The following MTHFD1 variants were observed in gnomAD, a reference collection of about 807,000 sequenced individuals.
MTHFD1 encodes methylenetetrahydrofolate dehydrogenase, cyclohydrolase and formyltetrahydrofolate synthetase 1.
In MTHFD1, 44 loss-of-function variants were observed where a neutral mutation model predicts 110.3. The observed-to-expected ratio is 0.40, with a 90% CI of 0.31 to 0.51. The LOEUF (loss-of-function observed/expected upper bound fraction) is 0.51, where lower values mean the gene tolerates loss of function less well. Among genes scored for constraint, MTHFD1 ranks in the 20% least tolerant of loss-of-function variants. The probability of loss-of-function intolerance (pLI) is 0.60; values close to 1 mark genes in which losing one functional copy is unlikely to be tolerated. For missense variants in MTHFD1, 909 were observed against 1,173.1 expected (o/e 0.77, Z 3.29); for synonymous variants, 402 against 428.8 (o/e 0.94, Z 0.77).
intron 6 of MTHFD1, among the ~76,000 whole-genome samples, chr14:64,416,207 T>C (rs975392552): frequency 1.3e-5 from 2 of 152,106 alleles, no homozygotes; most frequent in African/African-American, 4.8e-5. Flanking sequence ...ATCACCTGAC[T>C]GCACTCCAGC....
intron 24 of MTHFD1, among the ~76,000 whole-genome samples, chr14:64,451,479 T>C (rs1179699668): frequency 6.6e-6 from 1 of 152,238 alleles, no homozygotes; most frequent in Non-Finnish European, 1.5e-5. Flanking sequence ...ACATTGACAT[T>C]CTCCTGTTGA....
intron 2 of MTHFD1, among the ~76,000 whole-genome samples, chr14:64,405,061 G>C (rs2077926475): frequency 6.6e-6 from 1 of 152,114 alleles, no homozygotes; most frequent in Non-Finnish European, 1.5e-5. Flanking sequence ...AGCACAGAAG[G>C]CCTGTCACTC....
intron 4 of MTHFD1, among the ~76,000 whole-genome samples, chr14:64,413,190 A>G (rs1208536385): frequency 6.6e-6 from 1 of 151,794 alleles, no homozygotes; most frequent in Non-Finnish European, 1.5e-5. Flanking sequence ...TGTCTCTACT[A>G]AAAAATACAA....
intron 1 of MTHFD1, among the ~76,000 whole-genome samples, chr14:64,397,440 G>A (rs1015787709): frequency 2.1e-4 from 32 of 151,568 alleles, no homozygotes; most frequent in African/African-American, 7.5e-4. Flanking sequence ...CTACAGGCGC[G>A]TGCCACCACG....
intron 23 of MTHFD1, among the ~76,000 whole-genome samples, chr14:64,448,904 A>G (rs897439528): frequency 1.3e-5 from 2 of 151,140 alleles, no homozygotes; most frequent in African/African-American, 4.9e-5. Flanking sequence ...GGTTCATGCC[A>G]TTCTCCTGCC....
At chr14:64,428,004 T>A (rs73277977) in intron 12 of MTHFD1, among the ~76,000 whole-genome samples, 9,245 of 152,110 alleles carry the variant, frequency 0.061, 496 homozygotes, top group African/African-American at 0.15. Context: ...CTGTATTAAG[T>A]ACCAGAGTGA....
chr14:64,427,580 A>G (rs2078127620), intron 12 of MTHFD1, 107 bp downstream of exon 12: 2 of 1,109,782 alleles, frequency 1.8e-6, no homozygotes, highest in Admixed American at 1.7e-5. Flanking sequence ...ACTCATTTCA[A>G]CACCAGGAAT....
chr14:64,450,222 G>A (rs531247925), intron 24 of MTHFD1, among the ~76,000 whole-genome samples: 2 of 152,360 alleles, frequency 1.3e-5, no homozygotes, highest in East Asian at 3.9e-4. Context: ...TGGCAGAAGA[G>A]AAGGTTACAT....
At chr14:64,452,734 G>A (rs186134493) in intron 24 of MTHFD1, among the ~76,000 whole-genome samples, 1 of 152,304 alleles carries the variant, frequency 6.6e-6, no homozygotes, top group Admixed American at 6.5e-5. Context: ...ATTGTGTTAA[G>A]GGTGGCATCT....
At chr14:64,427,198 G>A in intron 11 of MTHFD1, 139 bp from the exon 12 acceptor site, 1 of 952,338 alleles carries the variant, frequency 1.1e-6, no homozygotes. Flanking sequence ...TGGGACTACA[G>A]GCATACACTG....
At position 64,415,220 on chromosome 14, in the gene MTHFD1, G is replaced by C. The variant is rs187762715; in HGVS notation, c.241-138G>C. Reference sequence around the variant, plus strand: ...AAGTACAGGTGCTCTCAGGATTCAAGGGGAAGGTACATTCTGAAAGGACTA... The same window carrying C: ...AAGTACAGGTGCTCTCAGGATTCAACGGGAAGGTACATTCTGAAAGGACTA... On this transcript the variant is annotated intron_variant, in intron 4 of 27. Coordinates refer to ENST00000652337, the MANE Select transcript of MTHFD1 (RefSeq NM_005956.4). The C allele has an allele frequency of 1.1e-5, 8 of 715,888 alleles. No homozygotes were observed. In the African/African-American group the frequency reaches 1.4e-4, roughly 13 times the overall value. The allele number at this position is 715,888 out of a possible 1,614,324, so 44.3% of individuals were successfully genotyped here.
intron 26 of MTHFD1, 77 bp from the exon 27 acceptor site, chr14:64,458,137 C>T (rs1596573493): frequency 8.7e-7 from 1 of 1,153,976 alleles, no homozygotes; most frequent in East Asian, 2.3e-5. Context: ...GTGATCCTCT[C>T]CACCTCAGCC....
intron 8 of MTHFD1, among the ~76,000 whole-genome samples, chr14:64,421,690 C>A (rs867965844): frequency 6.2e-4 from 93 of 151,122 alleles, no homozygotes; most frequent in African/African-American, 2.2e-3. Flanking sequence ...GTGGCGCGAT[C>A]TCGGCTCACT....
intron 26 of MTHFD1, 163 bp downstream of exon 26, chr14:64,455,038 G>T: frequency 1.4e-6 from 1 of 726,196 alleles, no homozygotes; most frequent in East Asian, 2.6e-5. Context: ...TATAAAGCAG[G>T]AGCTATATAG....
chr14:64,389,414 C>T (rs964184881), intron 1 of MTHFD1, among the ~76,000 whole-genome samples: 1 of 152,090 alleles, frequency 6.6e-6, no homozygotes, highest in Non-Finnish European at 1.5e-5. Context: ...ACAAAGTCAT[C>T]GGTGGTGAAA....
chr14:64,421,552 C>T (rs758546634), intron 8 of MTHFD1, among the ~76,000 whole-genome samples: 14 of 152,222 alleles, frequency 9.2e-5, no homozygotes, highest in Middle Eastern at 3.2e-3. Context: ...AAATTGCTCT[C>T]CTACAACTCC....
At chr14:64,407,532 C>T (rs969433112) in intron 2 of MTHFD1, among the ~76,000 whole-genome samples, 1 of 136,706 alleles carries the variant, frequency 7.3e-6, no homozygotes, top group Non-Finnish European at 1.5e-5. Flanking sequence ...TCATTAGTAT[C>T]TCTCACTCTC....
At chr14:64,433,500 C>T (rs1028624651) in intron 15 of MTHFD1, among the ~76,000 whole-genome samples, 8 of 152,086 alleles carry the variant, frequency 5.3e-5, no homozygotes, top group African/African-American at 1.9e-4. Context: ...TTACTACAGC[C>T]TCAACCTCCA....
intron 2 of MTHFD1, among the ~76,000 whole-genome samples, chr14:64,404,504 T>C (rs1409964423): frequency 6.6e-6 from 1 of 152,228 alleles, no homozygotes; most frequent in Admixed American, 6.5e-5. Flanking sequence ...GACAAATGTA[T>C]GAAGGAATGT....
Sources: allele counts gnomAD v4.1 joint callset (sites outside exome capture counted in the v4.1 genomes callset), GRCh38; gene constraint gnomAD v4.1.1; transcripts MANE v1.5; gene names NCBI Gene and HGNC (gene_info 2026-07-23, HGNC 2026-07-21).